TBL1XR1: variants seen among roughly 807,000 people sequenced by gnomAD.
The protein encoded by TBL1XR1 is TBL1X/Y related 1.
A neutral mutation model predicts 66.9 loss-of-function variants in TBL1XR1; 5 were observed. The ratio of observed to expected loss-of-function variants is 0.07; its 90% confidence interval spans 0.04 to 0.16. The LOEUF is 0.16. TBL1XR1 is among the 10% of genes least tolerant of loss of function. The pLI is 1.00. For synonymous variants in TBL1XR1, 210 were observed against 206.0 expected, an observed-to-expected ratio of 1.02 and a Z score of -0.17; for missense variants, 238 against 623.2, an observed-to-expected ratio of 0.38 and a Z score of 6.58.
chr3:177,121,385 T>C (rs1726953855), intron 1 of TBL1XR1, among the ~76,000 whole-genome samples: 1 of 152,176 alleles, frequency 6.6e-6, no homozygotes, highest in East Asian at 1.9e-4. Context: ...AATTTAAAAA[T>C]AAAGTCCATT....
intron 1 of TBL1XR1, among the ~76,000 whole-genome samples, chr3:177,113,736 A>G (rs1725940107): frequency 6.6e-6 from 1 of 152,182 alleles, no homozygotes; most frequent in Non-Finnish European, 1.5e-5. Context: ...CTCAAAAGAC[A>G]TGCAAATATC....
intron 1 of TBL1XR1, among the ~76,000 whole-genome samples, chr3:177,103,883 A>C (rs1237543269): frequency 6.6e-6 from 1 of 152,172 alleles, no homozygotes; most frequent in African/African-American, 2.4e-5. Flanking sequence ...TGGAAGGCCA[A>C]GGCAGGGAGA....
At chr3:177,128,504 G>A (rs1036827254) in intron 1 of TBL1XR1, among the ~76,000 whole-genome samples, 4 of 152,086 alleles carry the variant, frequency 2.6e-5, no homozygotes, top group Non-Finnish European at 5.9e-5. Flanking sequence ...CCCCCAAGTA[G>A]CTAGGACAAC....
chr3:177,102,327 G>A (rs986900756), intron 1 of TBL1XR1, among the ~76,000 whole-genome samples: 1 of 152,114 alleles, frequency 6.6e-6, no homozygotes, highest in African/African-American at 2.4e-5. Flanking sequence ...GTGAAAAATG[G>A]TATACCAACT....
intron 7 of TBL1XR1, 108 bp from the exon 8 acceptor site, chr3:177,047,657 C>A: frequency 7.7e-7 from 1 of 1,290,758 alleles, no homozygotes; most frequent in Non-Finnish European, 1.1e-6. Context: ...TGAAGACATT[C>A]TCTGCTTCAA....
At chr3:177,198,066 G>C (rs911357831), upstream of TBL1XR1, among the ~76,000 whole-genome samples, 5 of 152,160 alleles carry the variant, frequency 3.3e-5, no homozygotes, top group African/African-American at 1.2e-4. Context: ...AGTGCGGCGC[G>C]GCATCATATG....
At chr3:177,122,408 G>C (rs541745434) in intron 1 of TBL1XR1, among the ~76,000 whole-genome samples, 1 of 152,072 alleles carries the variant, frequency 6.6e-6, no homozygotes, top group South Asian at 2.1e-4. Flanking sequence ...AGAGCATCAA[G>C]AAGTTCAGCA....
chr3:177,050,707 A>G, intron 5 of TBL1XR1, 97 bp from the exon 6 acceptor site: 4 of 1,329,628 alleles, frequency 3.0e-6, no homozygotes, highest in South Asian at 2.7e-5. Context: ...CCTTTATCGC[A>G]CACAGTGTAA....
At chr3:177,167,267 C>G (rs1297854466) in intron 1 of TBL1XR1, among the ~76,000 whole-genome samples, 1 of 152,132 alleles carries the variant, frequency 6.6e-6, no homozygotes, top group African/African-American at 2.4e-5. Flanking sequence ...CTACATGATT[C>G]CAGTTATGTG....
chr3:177,180,368 T>C (rs898770834), intron 1 of TBL1XR1, among the ~76,000 whole-genome samples: 2 of 78,800 alleles, frequency 2.5e-5, no homozygotes, highest in Admixed American at 3.2e-4. Flanking sequence ...ATAAATACGT[T>C]CATTCCCCCC....
chr3:177,117,474 T>C (rs537051705), intron 1 of TBL1XR1, among the ~76,000 whole-genome samples: 1 of 152,282 alleles, frequency 6.6e-6, no homozygotes, highest in South Asian at 2.1e-4. Context: ...AGTCTAAAAT[T>C]TCCCTTTTAG....
intron 1 of TBL1XR1, among the ~76,000 whole-genome samples, chr3:177,124,830 T>C (rs562762256): frequency 2.0e-5 from 3 of 152,118 alleles, no homozygotes; most frequent in Non-Finnish European, 4.4e-5. Context: ...AATCTGTCAC[T>C]GTAACTGAGG....
In TBL1XR1 at chr3:177,064,359, T is replaced by C. The variant is rs146086890; in HGVS notation, c.58+561A>G. On this transcript the variant is annotated intron_variant, in intron 3 of 15. Coordinates refer to ENST00000457928, the MANE Select transcript of TBL1XR1 (RefSeq NM_024665.7). ...CCATCCACATTTCCCCTTGCAGTAT[T>C]CCTTCTGTTTTATCTATCAATAAAA... is the stretch of plus-strand genomic sequence containing the variant. Among the ~76,000 whole-genome samples the C allele has an allele frequency of 7.8e-3, 1,191 of 152,304 alleles. 9 individuals are homozygous for C. Among genetic ancestry groups the C allele is most frequent in the Non-Finnish European group, 0.013 (901 of 68,024 alleles).
chr3:177,164,628 G>GT (rs1160086847), intron 1 of TBL1XR1, among the ~76,000 whole-genome samples: 1 of 152,154 alleles, frequency 6.6e-6, no homozygotes, highest in East Asian at 1.9e-4. Flanking sequence ...GATTACAGGC[G>GT]TGAGCCACTG....
intron 12 of TBL1XR1, chr3:177,037,441 C>A (rs1259136717): frequency 6.6e-6 from 1 of 152,172 alleles, no homozygotes; most frequent in East Asian, 1.9e-4. Context: ...TGAGGGTGTT[C>A]CCAGTTGAGA....
At position 177,053,899 on chromosome 3, in the gene TBL1XR1, A is replaced by G. The variant is rs1274658811; in HGVS notation, c.78T>C (p.Phe26=). ...TGATATGGCTTTCTATACCAAAGGT[A>G]AATGCTGAATGAGAAAATCCTAAAA... ...LQESGFSHSA[F]TFGIESHISQ... The change falls in exon 4 of 16, where the codon TTT becomes TTC. Residue 26 remains phenylalanine, a synonymous_variant. Transcript: ENST00000457928. 3 of 1,605,650 alleles carry G rather than the reference A, an allele frequency of 1.9e-6. No homozygotes were observed. The highest frequency in any genetic ancestry group is 2.5e-6 in the Non-Finnish European group (3 of 1,177,540).
At chr3:177,143,073 T>C (rs1729814435) in intron 1 of TBL1XR1, among the ~76,000 whole-genome samples, 1 of 151,376 alleles carries the variant, frequency 6.6e-6, no homozygotes. Context: ...GGCTATCTAG[T>C]ATTGCTAAGT....
At chr3:177,049,814 G>A (rs1004605041) in intron 7 of TBL1XR1, among the ~76,000 whole-genome samples, 183 bp downstream of exon 7, 1 of 152,162 alleles carries the variant, frequency 6.6e-6, no homozygotes, top group Admixed American at 6.5e-5. Context: ...ACCTTGGTCT[G>A]ACTAAGGCAA....
chr3:177,119,375 T>A (rs1279978340), intron 1 of TBL1XR1, among the ~76,000 whole-genome samples: 7 of 152,122 alleles, frequency 4.6e-5, no homozygotes, highest in African/African-American at 7.2e-5. Context: ...CAACTTGTCA[T>A]AAAATATGGT....
Sources: gnomAD v4.1 joint callset for allele counts (sites outside exome capture counted in the v4.1 genomes callset) on GRCh38, gnomAD v4.1.1 for gene constraint, MANE v1.5 for transcripts, NCBI Gene and HGNC (gene_info 2026-07-23, HGNC 2026-07-21) for gene names.